TNIK: variants seen among roughly 807,000 people sequenced by gnomAD.
TNIK encodes the protein TRAF2 and NCK interacting kinase.
Under a neutral mutation model 191.3 loss-of-function variants are expected in TNIK, and 49 were observed. The ratio of observed to expected loss-of-function variants is 0.26; its 90% confidence interval spans 0.20 to 0.32. The LOEUF (loss-of-function observed/expected upper bound fraction) is 0.32, where lower values mean the gene tolerates loss of function less well. Ranked by LOEUF, TNIK falls within the 10% of genes least tolerant of loss-of-function variation. TNIK has a pLI of 1.00. For synonymous variants in TNIK, 594 were observed against 600.9 expected (o/e 0.99, Z 0.17); for missense variants, 1,155 against 1,702.3 (o/e 0.68, Z 5.66).
rs187647048 is a variant in TNIK at position 171,159,603 on chromosome 3, G to C, written c.1016+1667C>G. 2.0e-5 allele frequency among the ~76,000 whole-genome samples: 3 copies of C among 152,124 alleles called. No homozygotes were observed. The highest frequency in any genetic ancestry group is 2.9e-5 in the Non-Finnish European group (2 of 68,026). On this transcript the variant is annotated intron_variant, in intron 11 of 32. Coordinates refer to ENST00000436636, the MANE Select transcript of TNIK (RefSeq NM_015028.4). The surrounding 1 kb of genome is among the most constrained non-coding windows in gnomAD (Gnocchi z 4.1). ...CAGAGGGGAGGGACTTGGGAACCCA[G>C]CCTCCCATGCACACGAGGATGCTCC...
intron 7 of TNIK, among the ~76,000 whole-genome samples, chr3:171,183,928 A>G (rs956275646): frequency 1.1e-3 from 166 of 150,690 alleles, no homozygotes; most frequent in African/African-American, 3.4e-3. Flanking sequence ...TCTTAAAAAA[A>G]AAAAAAAAAA....
chr3:171,443,910 C>T (rs1727155055), intron 1 of TNIK, among the ~76,000 whole-genome samples: 3 of 151,516 alleles, frequency 2.0e-5, no homozygotes, highest in African/African-American at 7.3e-5. Flanking sequence ...TGGAGCTATC[C>T]CTCTAAGTGT....
At chr3:171,253,839 C>G (rs1232649882) in intron 2 of TNIK, among the ~76,000 whole-genome samples, 1 of 152,140 alleles carries the variant, frequency 6.6e-6, no homozygotes, top group African/African-American at 2.4e-5. Flanking sequence ...GGTTGGAAAA[C>G]AGCAGGAAAT....
chr3:171,379,869 C>T (rs563293813), intron 1 of TNIK, among the ~76,000 whole-genome samples: 6 of 152,120 alleles, frequency 3.9e-5, no homozygotes, highest in Non-Finnish European at 5.9e-5. Context: ...ATTAGCTGGG[C>T]GTGGTGGTAC....
intron 18 of TNIK, among the ~76,000 whole-genome samples, chr3:171,119,833 G>A (rs540948799): frequency 6.6e-6 from 1 of 152,278 alleles, no homozygotes; most frequent in African/African-American, 2.4e-5. Flanking sequence ...AGCATTAGGA[G>A]ATATAGCTAA....
intron 3 of TNIK, chr3:171,225,734 T>C (rs1485708819): frequency 2.4e-6 from 1 of 413,046 alleles, no homozygotes; most frequent in African/African-American, 2.1e-5. Context: ...TAGTTTCTGG[T>C]TCTACTTGTG....
chr3:171,286,027 T>A (rs902522378), intron 2 of TNIK, among the ~76,000 whole-genome samples: 2 of 152,206 alleles, frequency 1.3e-5, no homozygotes, highest in African/African-American at 4.8e-5. Context: ...TCTTGGGAGA[T>A]GTCTAGTACA....
chr3:171,373,503 C>A (rs1276087332), intron 1 of TNIK, among the ~76,000 whole-genome samples: 2 of 152,170 alleles, frequency 1.3e-5, no homozygotes, highest in African/African-American at 4.8e-5. Context: ...CAGGCTTCAT[C>A]ATCTTTTTCT....
At chr3:171,139,338 C>A in intron 14 of TNIK, 132 bp downstream of exon 14, 1 of 763,586 alleles carries the variant, frequency 1.3e-6, no homozygotes, top group Admixed American at 2.2e-5. Context: ...AGAAGATCCC[C>A]TCTTCTGGAC....
chr3:171,119,579 A>G (rs1259374062), intron 18 of TNIK, among the ~76,000 whole-genome samples: 2 of 152,212 alleles, frequency 1.3e-5, no homozygotes, highest in Non-Finnish European at 2.9e-5. Flanking sequence ...GATTAAGAAA[A>G]TGTGGCACAT....
intron 18 of TNIK, among the ~76,000 whole-genome samples, chr3:171,116,600 C>T (rs1437099336): frequency 6.6e-6 from 1 of 152,160 alleles, no homozygotes; most frequent in East Asian, 1.9e-4. Context: ...TCTTTGATGA[C>T]ACAGCCAATG....
chr3:171,441,090 G>A (rs928074921), intron 1 of TNIK, among the ~76,000 whole-genome samples: 4 of 152,210 alleles, frequency 2.6e-5, no homozygotes, highest in Non-Finnish European at 5.9e-5. Flanking sequence ...TCCAGGTGTT[G>A]AAGAGATGGC....
intron 2 of TNIK, among the ~76,000 whole-genome samples, chr3:171,249,310 C>T (rs1745970114): frequency 1.3e-5 from 2 of 152,188 alleles, no homozygotes; most frequent in South Asian, 2.1e-4. Context: ...TGTTACACCA[C>T]ATATTTTCAA....
intron 2 of TNIK, among the ~76,000 whole-genome samples, chr3:171,327,751 C>T (rs933125955): frequency 7.9e-5 from 12 of 151,874 alleles, no homozygotes; most frequent in African/African-American, 2.9e-4. Context: ...CCTAGCCTTC[C>T]TCAACTAATA....
intron 1 of TNIK, among the ~76,000 whole-genome samples, chr3:171,381,159 G>T (rs879251895): frequency 1.3e-5 from 2 of 151,866 alleles, no homozygotes; most frequent in Non-Finnish European, 2.9e-5. Flanking sequence ...TAACATTTTG[G>T]AACGGGGGAT....
rs57816988 is a variant in TNIK, at chr3:171,159,481, C to T, written c.1016+1789G>A. On this transcript the variant is annotated intron_variant, in intron 11 of 32. Transcript: ENST00000436636. The surrounding 1 kb of genome is among the most constrained non-coding windows in gnomAD (Gnocchi z 4.1). ...GTGATGTTCCATAGACAATGCTTGG[C>T]GTCTACTCACAAGCCTTCTCTAAAA... is the stretch of plus-strand genomic sequence containing the variant. 0.029 allele frequency among the ~76,000 whole-genome samples: 4,367 copies of T among 152,184 alleles called. 215 individuals are homozygous for T. Among genetic ancestry groups the T allele is most frequent in the African/African-American group, 0.1 (4,149 of 41,502 alleles).
intron 2 of TNIK, among the ~76,000 whole-genome samples, chr3:171,338,176 T>C (rs1386758654): frequency 1.1e-5 from 1 of 90,320 alleles, no homozygotes; most frequent in Non-Finnish European, 2.5e-5. Context: ...CAACCAACAA[T>C]TTTTTTAAGA....
rs559149279 is a variant in TNIK, at chr3:171,282,639, C to T, written c.124-54418G>A. ...GATTACAGGCATGAGCCACCACGCC[C>T]GGCCTCTTAATCGTATCTTAAAGCA... On this transcript the variant is annotated intron_variant, in intron 2 of 32. Transcript: ENST00000436636. Among the ~76,000 whole-genome samples the T allele has an allele frequency of 2.9e-4, 44 of 152,240 alleles. No homozygotes were observed. The South Asian group carries it at 6.2e-3, about 22-fold the overall frequency.
At chr3:171,340,272 T>C (rs948492230) in intron 2 of TNIK, among the ~76,000 whole-genome samples, 5 of 152,210 alleles carry the variant, frequency 3.3e-5, no homozygotes, top group African/African-American at 1.2e-4. Flanking sequence ...TTTCTACATA[T>C]TTCTACATTT....
Sources: allele counts gnomAD v4.1 joint callset (sites outside exome capture counted in the v4.1 genomes callset), GRCh38; gene constraint gnomAD v4.1.1; non-coding constraint Gnocchi (gnomAD v3.1); transcripts MANE v1.5; gene names NCBI Gene and HGNC (gene_info 2026-07-23, HGNC 2026-07-21).